Variants in PPP1R12A observed in about 807,000 individuals in gnomAD.
The protein encoded by PPP1R12A is myosin binding subunit.
In PPP1R12A, 19 loss-of-function variants were observed where a neutral mutation model predicts 139.6. The ratio of observed to expected loss-of-function variants is 0.14; its 90% CI spans 0.09 to 0.20. The LOEUF (loss-of-function observed/expected upper bound fraction) is 0.20, where lower values mean the gene tolerates loss of function less well. Ranked by LOEUF, PPP1R12A falls within the 10% of genes least tolerant of loss-of-function variation. The probability of loss-of-function intolerance (pLI) is 1.00; values close to 1 mark genes in which losing one functional copy is unlikely to be tolerated. For synonymous variants in PPP1R12A, 427 were observed against 420.6 expected, an observed-to-expected ratio of 1.02 and a Z score of -0.19; for missense variants, 925 against 1,211.5, an observed-to-expected ratio of 0.76 and a Z score of 3.51.
chr12:79,914,806 G>C (rs1323804584), intron 1 of PPP1R12A, among the ~76,000 whole-genome samples: 1 of 151,810 alleles, frequency 6.6e-6, no homozygotes, highest in African/African-American at 2.4e-5. Context: ...CTCTGGAAGT[G>C]ACCTTATTTT....
At chr12:79,894,270 A>C (rs1193783099) in intron 1 of PPP1R12A, among the ~76,000 whole-genome samples, 1 of 152,214 alleles carries the variant, frequency 6.6e-6, no homozygotes, top group Non-Finnish European at 1.5e-5. Flanking sequence ...ACCAACGCAC[A>C]GAAGGTTCTT....
chr12:79,866,023 C>A (rs1388880453), intron 2 of PPP1R12A, among the ~76,000 whole-genome samples: 1 of 152,072 alleles, frequency 6.6e-6, no homozygotes, highest in African/African-American at 2.4e-5. Context: ...CAATCCTGGG[C>A]AAGAAGAACA....
chr12:79,825,595 A>G (rs543567092), intron 5 of PPP1R12A: 1 of 151,992 alleles, frequency 6.6e-6, no homozygotes, highest in South Asian at 2.1e-4. Flanking sequence ...GATTTTCTAT[A>G]TATTTGTTAC....
chr12:79,876,649 A>G (rs1883129340), intron 1 of PPP1R12A, among the ~76,000 whole-genome samples: 1 of 152,190 alleles, frequency 6.6e-6, no homozygotes, highest in African/African-American at 2.4e-5. Flanking sequence ...ACATGAAATA[A>G]ATTTTCCTTA....
intron 9 of PPP1R12A, among the ~76,000 whole-genome samples, chr12:79,810,301 T>C (rs1185334871): frequency 6.6e-6 from 1 of 152,164 alleles, no homozygotes; most frequent in East Asian, 1.9e-4. Flanking sequence ...GAGCACACCA[T>C]AAGGACTTAA....
At chr12:79,801,501 TTC>T (rs887867227) in intron 14 of PPP1R12A, among the ~76,000 whole-genome samples, 52 of 152,008 alleles carry the variant, frequency 3.4e-4, no homozygotes, top group Non-Finnish European at 7.1e-4. Flanking sequence ...TTTATGCCTT[TTC>T]TCTGTGTCCT....
chr12:79,924,657 G>A (rs1317814959), intron 1 of PPP1R12A, among the ~76,000 whole-genome samples: 5 of 152,144 alleles, frequency 3.3e-5, no homozygotes, highest in African/African-American at 1.2e-4. Context: ...TTGAACTCCT[G>A]GGCTCAAGCA....
intron 2 of PPP1R12A, among the ~76,000 whole-genome samples, chr12:79,846,181 T>C (rs1300091484): frequency 6.6e-6 from 1 of 152,214 alleles, no homozygotes; most frequent in South Asian, 2.1e-4. Flanking sequence ...CAGATAATTA[T>C]ACTACAAATA....
At chr12:79,902,462 A>G (rs1364904966) in intron 1 of PPP1R12A, among the ~76,000 whole-genome samples, 1 of 152,164 alleles carries the variant, frequency 6.6e-6, no homozygotes, top group African/African-American at 2.4e-5. Flanking sequence ...AAAAAAAGTG[A>G]TATTTTTATT....
At chr12:79,785,621 G>A (rs149237478) in intron 22 of PPP1R12A, among the ~76,000 whole-genome samples, 2 of 152,212 alleles carry the variant, frequency 1.3e-5, no homozygotes, top group Admixed American at 6.5e-5. Flanking sequence ...GGTTAAAATT[G>A]AACACATTTG....
intron 2 of PPP1R12A, among the ~76,000 whole-genome samples, chr12:79,857,590 T>A (rs1352473142): frequency 6.6e-6 from 1 of 151,484 alleles, no homozygotes; most frequent in Non-Finnish European, 1.5e-5. Flanking sequence ...AAAATAATAA[T>A]AAAAAAATAA....
rs1872548872 is a variant in PPP1R12A at position 79,796,655 on chromosome 12, T to C, written c.2461+127A>G. The C allele has an allele frequency of 8.5e-6, 6 of 704,624 alleles. 1 individual carries two copies. Among genetic ancestry groups the C allele is most frequent in the Non-Finnish European group, 8.7e-6 (4 of 458,926 alleles). The allele number at this position is 704,624 out of a possible 1,614,324, so 43.6% of individuals were successfully genotyped here. A position where few individuals can be genotyped will look rare whatever the true frequency, so the allele number is the denominator to read the frequency against. ...TCTCATTCTCAACCTTCATATTCTT[T>C]CTGTTTAGGTTCGATGAATCACAAG... On this transcript the variant is annotated intron_variant, in intron 17 of 24. Coordinates refer to ENST00000450142, the MANE Select transcript of PPP1R12A (RefSeq NM_002480.3).
chr12:79,890,905 C>CCCACACACA (rs1555235834), intron 1 of PPP1R12A, among the ~76,000 whole-genome samples: 1 of 115,682 alleles, frequency 8.6e-6, no homozygotes, highest in African/African-American at 3.6e-5. Context: ...CCACACCCAC[C>CCCACACACA]CACACACACA....
intron 1 of PPP1R12A, among the ~76,000 whole-genome samples, chr12:79,876,891 G>A (rs962936755): frequency 9.2e-5 from 14 of 152,064 alleles, no homozygotes. Context: ...CACACCTGTA[G>A]TCCCAGCTAC....
At chr12:79,844,064 T>C (rs1879102098) in intron 3 of PPP1R12A, among the ~76,000 whole-genome samples, 1 of 152,114 alleles carries the variant, frequency 6.6e-6, no homozygotes, top group African/African-American at 2.4e-5. Context: ...TAAGATCTAA[T>C]TCACAGCATT....
At chr12:79,847,743 T>C (rs916754702) in intron 2 of PPP1R12A, among the ~76,000 whole-genome samples, 6 of 152,164 alleles carry the variant, frequency 3.9e-5, no homozygotes, top group Non-Finnish European at 8.8e-5. Flanking sequence ...CTAGGATTAA[T>C]AGGAAAAATG....
chr12:79,898,281 C>T (rs1314639927), intron 1 of PPP1R12A, among the ~76,000 whole-genome samples: 1 of 152,244 alleles, frequency 6.6e-6, no homozygotes, highest in African/African-American at 2.4e-5. Flanking sequence ...GAAACCCTGT[C>T]TCTACTAAAA....
At chr12:79,905,419 T>C (rs1431083669) in intron 1 of PPP1R12A, among the ~76,000 whole-genome samples, 1 of 146,022 alleles carries the variant, frequency 6.8e-6, no homozygotes, top group Non-Finnish European at 1.5e-5. Flanking sequence ...TTTTACATTC[T>C]TATGCCATTC....
At chr12:79,918,807 A>G (rs77587131) in intron 1 of PPP1R12A, among the ~76,000 whole-genome samples, 2,193 of 152,316 alleles carry the variant, frequency 0.014, 44 homozygotes, top group East Asian at 0.065. Flanking sequence ...TTGGTTGTCC[A>G]TTTAACCTGA....
Sources: allele counts gnomAD v4.1 joint callset (sites outside exome capture counted in the v4.1 genomes callset), GRCh38; gene constraint gnomAD v4.1.1; transcripts MANE v1.5; gene names NCBI Gene and HGNC (gene_info 2026-07-23, HGNC 2026-07-21).